LDLRAD4: variants seen among roughly 807,000 people sequenced by gnomAD.
LDLRAD4 encodes low-density lipoprotein receptor class A domain-containing protein 4.
LDLRAD4 carries 5 observed loss-of-function variants against 17.0 expected under a neutral mutation model. That is an observed-to-expected ratio of 0.29 (90% confidence interval 0.15 to 0.62). LDLRAD4 has a LOEUF of 0.62. Ranked by LOEUF, LDLRAD4 falls within the 20% of genes least tolerant of loss-of-function variation. The pLI is 0.84. For missense variants in LDLRAD4, 340 were observed against 424.7 expected (o/e 0.80, Z 1.75); for synonymous variants, 168 against 171.8 (o/e 0.98, Z 0.17).
intron 1 of LDLRAD4, among the ~76,000 whole-genome samples, chr18:13,267,327 ATTG>A (rs1425135536): frequency 6.6e-6 from 1 of 151,990 alleles, no homozygotes; most frequent in African/African-American, 2.4e-5. Flanking sequence ...TCTGTGTTGT[ATTG>A]TTTTTAGTGT....
At chr18:13,583,336 G>A (rs921005857) in intron 3 of LDLRAD4, among the ~76,000 whole-genome samples, 1 of 152,146 alleles carries the variant, frequency 6.6e-6, no homozygotes, top group African/African-American at 2.4e-5. Context: ...AGGTGAGGTG[G>A]AGAGAGGATG....
intron 1 of LDLRAD4, among the ~76,000 whole-genome samples, chr18:13,364,485 G>A (rs961789289): frequency 6.6e-6 from 1 of 152,100 alleles, no homozygotes; most frequent in Non-Finnish European, 1.5e-5. Context: ...CTAACAGCAT[G>A]TGCCACCACA....
intron 1 of LDLRAD4, among the ~76,000 whole-genome samples, chr18:13,283,988 C>A (rs1025946939): frequency 3.9e-5 from 6 of 152,136 alleles, no homozygotes; most frequent in Admixed American, 2.0e-4. Context: ...TTCACTATCA[C>A]GAGAATGGCA....
In LDLRAD4 at chr18:13,605,669, C is replaced by G. The variant is rs148006176; in HGVS notation, c.182-15448C>G. 4.5e-3 allele frequency among the ~76,000 whole-genome samples: 683 copies of G among 152,308 alleles called. 13 individuals carry two copies. Among genetic ancestry groups the G allele is most frequent in the South Asian group, 0.034 (163 of 4,822 alleles). On this transcript the variant is annotated intron_variant, in intron 3 of 5. Coordinates refer to ENST00000359446, the Ensembl canonical transcript of LDLRAD4. ...AGGACAGCAGGAAGCACCTGCCATG[C>G]CCAGGAGGACAGTGTTACTGCTCTA...
chr18:13,285,550 G>T (rs752458183), intron 1 of LDLRAD4, among the ~76,000 whole-genome samples: 6 of 152,234 alleles, frequency 3.9e-5, no homozygotes, highest in Non-Finnish European at 7.3e-5. Flanking sequence ...CTTCCTGCAG[G>T]AGGCTTCGTG....
chr18:13,243,738 C>T (rs1415154086), intron 1 of LDLRAD4, among the ~76,000 whole-genome samples: 1 of 151,330 alleles, frequency 6.6e-6, no homozygotes, highest in African/African-American at 2.4e-5. Flanking sequence ...AGCGACCCAC[C>T]CATGCACCCG....
intron 3 of LDLRAD4, among the ~76,000 whole-genome samples, chr18:13,578,596 C>T (rs9954472): frequency 0.019 from 2,864 of 152,270 alleles, 92 homozygotes; most frequent in African/African-American, 0.065. Context: ...GGCGTGCCCA[C>T]CTGGGAGAAG....
intron 1 of LDLRAD4, among the ~76,000 whole-genome samples, chr18:13,269,972 A>G (rs1044936187): frequency 6.6e-6 from 1 of 152,168 alleles, no homozygotes; most frequent in African/African-American, 2.4e-5. Context: ...AAGTATTTGT[A>G]GAGGAGTCAA....
intron 3 of LDLRAD4, among the ~76,000 whole-genome samples, chr18:13,450,879 C>CG (rs1568174489): frequency 6.6e-6 from 1 of 151,942 alleles, no homozygotes; most frequent in African/African-American, 2.4e-5. Flanking sequence ...TGGAAGCTTG[C>CG]GGGGAGGGGA....
chr18:13,583,537 AAAAG>A (rs2094894696), intron 3 of LDLRAD4, among the ~76,000 whole-genome samples: 1 of 152,240 alleles, frequency 6.6e-6, no homozygotes, highest in Non-Finnish European at 1.5e-5. Context: ...TAGAGTTCCA[AAAAG>A]AAAGAAACGA....
chr18:13,385,027 T>G (rs887632449), intron 1 of LDLRAD4, among the ~76,000 whole-genome samples: 3 of 152,206 alleles, frequency 2.0e-5, no homozygotes, highest in South Asian at 4.1e-4. Context: ...GATCATATGG[T>G]GATTCTATTT....
intron 3 of LDLRAD4, among the ~76,000 whole-genome samples, chr18:13,503,907 A>C (rs767255921): frequency 6.6e-6 from 1 of 152,218 alleles, no homozygotes; most frequent in Non-Finnish European, 1.5e-5. Flanking sequence ...GATATACTAT[A>C]TTTAAAGATT....
rs764648077 is a variant in LDLRAD4, at chr18:13,645,407, A to G, written c.671A>G (p.Tyr224Cys). Reference sequence around the variant, plus strand: ...AGTGATTTAATAGACATTGCTATGTATAGCGGGGGTCCATGCCCACCCAGC... The same window carrying G: ...AGTGATTTAATAGACATTGCTATGTGTAGCGGGGGTCCATGCCCACCCAGC... The change falls in exon 6 of 6, where the codon TAT becomes TGT. Residue 224 changes from tyrosine (Y) to cysteine (C), a missense_variant. By Grantham distance (194) the Tyr-to-Cys change is radical. Coordinates refer to ENST00000359446, the Ensembl canonical transcript of LDLRAD4. This position sits in a 1 kb window ranked among gnomAD's most constrained non-coding sequence, Gnocchi z 5.7. 6.2e-7 allele frequency: 1 copy of G among 1,614,228 alleles called. No homozygotes were observed. The highest frequency in any genetic ancestry group is 1.7e-5 in the Admixed American group (1 of 60,026).
chr18:13,611,271 T>G (rs2039529338), intron 3 of LDLRAD4: 1 of 160,180 alleles, frequency 6.2e-6, no homozygotes, highest in Non-Finnish European at 1.4e-5. Flanking sequence ...CAGCCAAAAC[T>G]ATTGTTATGG....
At chr18:13,234,238 C>T (rs2042224303) in intron 1 of LDLRAD4, among the ~76,000 whole-genome samples, 1 of 152,218 alleles carries the variant, frequency 6.6e-6, no homozygotes, top group African/African-American at 2.4e-5. Flanking sequence ...GGCCTCCCTC[C>T]TGCTGAGGCT....
At chr18:13,353,986 C>G (rs750192885) in intron 1 of LDLRAD4, among the ~76,000 whole-genome samples, 25 of 152,118 alleles carry the variant, frequency 1.6e-4, no homozygotes, top group Non-Finnish European at 2.4e-4. Flanking sequence ...TGTCACTGCT[C>G]CAGATAATAT....
chr18:13,362,003 C>T (rs1454944170), intron 1 of LDLRAD4, among the ~76,000 whole-genome samples: 19 of 151,562 alleles, frequency 1.3e-4, no homozygotes, highest in Admixed American at 9.9e-4. Context: ...ACATAGGAGG[C>T]GAATTTTGAG....
chr18:13,373,860 AT>A (rs1205568811), intron 1 of LDLRAD4, among the ~76,000 whole-genome samples: 1 of 152,164 alleles, frequency 6.6e-6, no homozygotes, highest in Non-Finnish European at 1.5e-5. Flanking sequence ...TACCTTAGTT[AT>A]TTTTTATAAT....
At chr18:13,628,044 C>T (rs2041328981) in intron 4 of LDLRAD4, among the ~76,000 whole-genome samples, 1 of 152,194 alleles carries the variant, frequency 6.6e-6, no homozygotes, top group Non-Finnish European at 1.5e-5. Flanking sequence ...GAGAAACCCA[C>T]AGGCAGTGTC....
Sources: allele counts gnomAD v4.1 joint callset (sites outside exome capture counted in the v4.1 genomes callset), GRCh38; gene constraint gnomAD v4.1.1; non-coding constraint Gnocchi (gnomAD v3.1); transcripts MANE v1.5; gene names NCBI Gene and HGNC (gene_info 2026-07-23, HGNC 2026-07-21).